CADPS2: variants seen among roughly 807,000 people sequenced by gnomAD.
CADPS2 encodes calcium-dependent secretion activator 2.
A neutral mutation model predicts 172.5 loss-of-function variants in CADPS2; 93 were observed. The ratio of observed to expected loss-of-function variants is 0.54; its 90% CI spans 0.46 to 0.64. The LOEUF is 0.64. CADPS2 is among the 30% of genes least tolerant of loss of function. CADPS2 has a pLI of 0.00. For missense variants in CADPS2, 1,420 were observed against 1,565.9 expected, an observed-to-expected ratio of 0.91 and a Z score of 1.57; for synonymous variants, 546 against 555.2, an observed-to-expected ratio of 0.98 and a Z score of 0.23.
intron 1 of CADPS2, among the ~76,000 whole-genome samples, chr7:122,871,194 A>T (rs1038797049): frequency 5.9e-5 from 9 of 151,934 alleles, no homozygotes; most frequent in African/African-American, 2.4e-5. Flanking sequence ...GAAAAAAAAA[A>T]AAATTACACC....
At chr7:122,618,384 C>A (rs976311747) in intron 5 of CADPS2, among the ~76,000 whole-genome samples, 1 of 151,832 alleles carries the variant, frequency 6.6e-6, no homozygotes, top group Non-Finnish European at 1.5e-5. Context: ...CTTCCTGCAA[C>A]TTATATTCTA....
At chr7:122,728,146 G>A (rs2091290695) in intron 2 of CADPS2, among the ~76,000 whole-genome samples, 1 of 151,788 alleles carries the variant, frequency 6.6e-6, no homozygotes, top group Non-Finnish European at 1.5e-5. Flanking sequence ...CTATTCCAAA[G>A]TAAAATGACA....
intron 3 of CADPS2, among the ~76,000 whole-genome samples, chr7:122,645,024 T>C (rs1022007909): frequency 3.9e-5 from 6 of 151,968 alleles, no homozygotes; most frequent in African/African-American, 1.4e-4. Flanking sequence ...AGGGAAAAGA[T>C]GAATGAGTTA....
intron 28 of CADPS2, among the ~76,000 whole-genome samples, chr7:122,326,611 A>G (rs1400807868): frequency 2.0e-5 from 3 of 152,058 alleles, no homozygotes; most frequent in Non-Finnish European, 4.4e-5. Context: ...GTATACACAA[A>G]CATAATGACA....
intron 5 of CADPS2, among the ~76,000 whole-genome samples, chr7:122,620,085 C>A (rs2075409608): frequency 1.3e-5 from 2 of 152,018 alleles, no homozygotes; most frequent in Non-Finnish European, 2.9e-5. Flanking sequence ...TCTTTTTCTG[C>A]CATAAACTAA....
At chr7:122,872,639 G>A (rs1435261807) in intron 1 of CADPS2, among the ~76,000 whole-genome samples, 13 of 151,972 alleles carry the variant, frequency 8.6e-5, no homozygotes, top group African/African-American at 3.1e-4. Flanking sequence ...TTTTAACTAA[G>A]CAGTATTTTT....
intron 9 of CADPS2, among the ~76,000 whole-genome samples, chr7:122,503,423 T>C (rs888864394): frequency 1.8e-4 from 27 of 152,212 alleles, no homozygotes; most frequent in Middle Eastern, 3.4e-3. Context: ...TAGTGGTTTT[T>C]ATCTTAGAAA....
intron 25 of CADPS2, among the ~76,000 whole-genome samples, chr7:122,373,540 CACA>C (rs1242933076): frequency 6.6e-6 from 1 of 152,114 alleles, no homozygotes. Flanking sequence ...AGCTGGCCCA[CACA>C]ACATTTCTAG....
intron 1 of CADPS2, among the ~76,000 whole-genome samples, chr7:122,882,463 T>C (rs1823168852): frequency 1.3e-5 from 2 of 152,094 alleles, no homozygotes; most frequent in Admixed American, 1.3e-4. Flanking sequence ...TAATCAAAAC[T>C]ACCAGCACTT....
intron 18 of CADPS2, among the ~76,000 whole-genome samples, chr7:122,415,601 C>CAAAAAAAAAAAAAAAAAAAAAAA (rs549530021): frequency 1.5e-5 from 1 of 64,960 alleles, no homozygotes. Flanking sequence ...AATACAGAAC[C>CAAAAAAAAAAAAAAAAAAAAAAA]AAAAAAAAAA....
chr7:122,514,122 G>C (rs533260138), intron 8 of CADPS2, among the ~76,000 whole-genome samples: 1 of 152,232 alleles, frequency 6.6e-6, no homozygotes, highest in African/African-American at 2.4e-5. Flanking sequence ...TGACCATGTT[G>C]TGGAGAGCTA....
chr7:122,594,859 G>A (rs1451699391), intron 6 of CADPS2, among the ~76,000 whole-genome samples: 1 of 151,768 alleles, frequency 6.6e-6, no homozygotes, highest in African/African-American at 2.4e-5. Flanking sequence ...TGCTTTATAA[G>A]ATGAAAACCA....
intron 27 of CADPS2, among the ~76,000 whole-genome samples, chr7:122,347,835 ACTC>A (rs1359829575): frequency 6.6e-6 from 1 of 152,176 alleles, no homozygotes; most frequent in Non-Finnish European, 1.5e-5. Flanking sequence ...AAGGAAACTA[ACTC>A]CTAAGATACA....
Position 122,320,182 on chromosome 7 carries a change from C to T in CADPS2, c.3874G>A (p.Glu1292Lys), listed in dbSNP as rs753192762. ...GTGTGATATCAGCCTTCTTCTTCTT[C>T]GTCACTGTCTTTCATAGTAATGCCC... ...LQGITMKDSD[E>K]EEEG Residue 1292 changes from glutamate to lysine, a missense_variant, in exon 30 of 30, where the codon GAA (glutamate) becomes AAA (lysine). Transcript: ENST00000449022. 2.3e-5 allele frequency: 37 copies of T among 1,602,876 alleles called. No homozygotes were observed. Among genetic ancestry groups the T allele is most frequent in the Middle Eastern group, 1.7e-4 (1 of 6,022 alleles).
intron 1 of CADPS2, among the ~76,000 whole-genome samples, chr7:122,808,951 T>C (rs1166806174): frequency 2.0e-5 from 3 of 152,148 alleles, no homozygotes; most frequent in South Asian, 2.1e-4. Flanking sequence ...ATACTAATAA[T>C]TTTCATTAAA....
At chr7:122,483,458 C>A (rs1285233246) in intron 11 of CADPS2, among the ~76,000 whole-genome samples, 1 of 151,754 alleles carries the variant, frequency 6.6e-6, no homozygotes, top group African/African-American at 2.4e-5. Flanking sequence ...ATCTGCACTA[C>A]AAGAAAAGTC....
chr7:122,640,776 T>C (rs971219483), intron 3 of CADPS2, among the ~76,000 whole-genome samples: 2 of 151,552 alleles, frequency 1.3e-5, no homozygotes, highest in African/African-American at 2.4e-5. Context: ...CTAAAAAAAA[T>C]ACAAAAAATT....
chr7:122,631,983 C>T (rs1272582468), intron 3 of CADPS2, among the ~76,000 whole-genome samples: 1 of 152,226 alleles, frequency 6.6e-6, no homozygotes, highest in African/African-American at 2.4e-5. Flanking sequence ...AGGATAATGG[C>T]TTCCAGCTGC....
chr7:122,702,769 A>G (rs2086370293), intron 2 of CADPS2: 4 of 1,536,734 alleles, frequency 2.6e-6, no homozygotes, highest in Non-Finnish European at 3.5e-6. Context: ...TTGTCTATTA[A>G]GAGACAAACA....
Sources: gnomAD v4.1 joint callset for allele counts (sites outside exome capture counted in the v4.1 genomes callset) on GRCh38, gnomAD v4.1.1 for gene constraint, MANE v1.5 for transcripts, NCBI Gene and HGNC (gene_info 2026-07-23, HGNC 2026-07-21) for gene names.